THADA: variants seen among roughly 807,000 people sequenced by gnomAD.
THADA encodes the protein THADA armadillo repeat containing.
Under a neutral mutation model 219.8 loss-of-function variants are expected in THADA, and 213 were observed. The observed-to-expected ratio is 0.97, with a 90% CI of 0.87 to 1.09. THADA has a LOEUF of 1.09. THADA is among the 50% of genes least tolerant of loss of function. The pLI is 0.00. For missense variants in THADA, 2,956 were observed against 2,311.3 expected (o/e 1.28, Z -5.72); for synonymous variants, 1,018 against 828.9 (o/e 1.23, Z -3.92).
intron 29 of THADA, among the ~76,000 whole-genome samples, chr2:43,354,730 G>T (rs1254566972): frequency 1.3e-5 from 2 of 152,062 alleles, no homozygotes; most frequent in African/African-American, 4.8e-5. Context: ...TGTGTATATG[G>T]ACTACATTTT....
chr2:43,472,145 A>G (rs758727114), intron 26 of THADA, among the ~76,000 whole-genome samples: 1 of 152,234 alleles, frequency 6.6e-6, no homozygotes, highest in Non-Finnish European at 1.5e-5. Flanking sequence ...GATGTCATGG[A>G]ATTTGATCTT....
rs1667389960 is a variant in THADA, at chr2:43,231,330, T to C, written c.5480A>G (p.Tyr1827Cys). ...VESMHQVEED[Y>C]LFEKAEVNFW... The stretch of plus-strand genomic sequence containing the variant: ...GTTGACTTCTGCTTTTTCAAACAGG[T>C]AGTCTTCTTCCACCTAAATCAGATG... The change falls in exon 38 of 38, where the codon TAC becomes TGC. Residue 1827 changes from tyrosine to cysteine, a missense_variant. Coordinates refer to ENST00000405975, the MANE Select transcript of THADA (RefSeq NM_022065.5). The C allele has an allele frequency of 6.5e-7, 1 of 1,549,170 alleles. No homozygotes were observed. Among genetic ancestry groups the C allele is most frequent in the African/African-American group, 1.4e-5 (1 of 72,590 alleles).
intron 26 of THADA, among the ~76,000 whole-genome samples, chr2:43,431,019 G>C (rs542022523): frequency 1.3e-5 from 2 of 152,126 alleles, no homozygotes; most frequent in Non-Finnish European, 2.9e-5. Context: ...AACTTCTCTT[G>C]AACTACGAAA....
At position 43,299,609 on chromosome 2, in the gene THADA, C is replaced by T; in HGVS notation, c.4439-6396G>A. ...CCCAAGAGGCGGAGTTTGCAGTGAG[C>T]CAAGATAGGGCTGCTGCACTCCAGC... On this transcript the variant is annotated intron_variant, in intron 31 of 37. Transcript: ENST00000405975. 1.3e-5 allele frequency among the ~76,000 whole-genome samples: 2 copies of T among 152,006 alleles called. 1 individual carries two copies. Among genetic ancestry groups the T allele is most frequent in the East Asian group, 3.9e-4 (2 of 5,194 alleles).
intron 36 of THADA, among the ~76,000 whole-genome samples, chr2:43,244,057 ATCTT>A (rs949508815): frequency 2.6e-5 from 4 of 152,216 alleles, no homozygotes; most frequent in African/African-American, 9.6e-5. Context: ...ATTCCAAAAA[ATCTT>A]TATTTTTAAA....
intron 21 of THADA, among the ~76,000 whole-genome samples, chr2:43,535,341 C>A (rs1694429361): frequency 6.6e-6 from 1 of 151,316 alleles, no homozygotes; most frequent in African/African-American, 2.4e-5. Context: ...TTGATATAAT[C>A]CCACTTACTT....
intron 36 of THADA, chr2:43,277,144 A>G (rs1191265423): frequency 6.6e-6 from 1 of 152,160 alleles, no homozygotes; most frequent in East Asian, 1.9e-4. Flanking sequence ...GAGATTCCAC[A>G]AGTATGTCTC....
At chr2:43,288,808 T>A (rs905721790) in intron 34 of THADA, among the ~76,000 whole-genome samples, 1 of 152,238 alleles carries the variant, frequency 6.6e-6, no homozygotes, top group African/African-American at 2.4e-5. Context: ...ACAGTTTACA[T>A]ACCATAGAAT....
At chr2:43,566,221 A>G (rs1698662347) in intron 15 of THADA, 6 of 447,048 alleles carry the variant, frequency 1.3e-5, no homozygotes, top group Non-Finnish European at 1.6e-5. Context: ...TTATTAAATC[A>G]GAATACTTGG....
At chr2:43,338,219 C>T (rs868739798) in intron 30 of THADA, among the ~76,000 whole-genome samples, 7 of 149,060 alleles carry the variant, frequency 4.7e-5, no homozygotes, top group African/African-American at 1.7e-4. Flanking sequence ...TGCAGTGGCA[C>T]GATCTCGGCT....
intron 22 of THADA, 51 bp from the exon 23 acceptor site, chr2:43,508,831 G>A: frequency 1.3e-6 from 2 of 1,574,878 alleles, no homozygotes; most frequent in Admixed American, 3.4e-5. Context: ...AAAGTTAAAA[G>A]TACAAACTAT....
chr2:43,576,741 G>C (rs139555522), intron 10 of THADA, among the ~76,000 whole-genome samples: 176 of 152,188 alleles, frequency 1.2e-3, no homozygotes, highest in African/African-American at 4.0e-3. Flanking sequence ...TGCATCCTCG[G>C]CCTCCTGGGC....
At position 43,397,967 on chromosome 2, in the gene THADA, T is replaced by A; in HGVS notation, c.4227+4A>T. On this transcript the variant is annotated splice_donor_region_variant and intron_variant, in intron 29 of 37. Transcript: ENST00000405975. Reference sequence around the variant, plus strand: ...CAGAAGTCACACAAAGCAACTTTACTTACCTGGAGAAGTGTCCCATGAATG... The same window carrying A: ...CAGAAGTCACACAAAGCAACTTTACATACCTGGAGAAGTGTCCCATGAATG... 1 of 1,613,700 alleles carries A rather than the reference T, an allele frequency of 6.2e-7. No homozygotes were observed. Among genetic ancestry groups the A allele is most frequent in the South Asian group, 1.1e-5 (1 of 91,016 alleles).
At position 43,561,939 on chromosome 2, in the gene THADA, AT is replaced by A. The variant is rs375992793; in HGVS notation, c.2312-1555del. Among the ~76,000 whole-genome samples the A allele has an allele frequency of 4.7e-3, 717 of 152,168 alleles. 2 individuals carry two copies. Among genetic ancestry groups the A allele is most frequent in the Middle Eastern group, 0.01 (3 of 294 alleles). On this transcript the variant is annotated intron_variant, in intron 15 of 37. Coordinates refer to ENST00000405975, the MANE Select transcript of THADA (RefSeq NM_022065.5). Reference sequence around the variant, plus strand: ...TCCTATTTCTAGTTTTGCTGTGCTCATTTTTTTAATCATAAAAGGGTACTGA... The same window carrying A: ...TCCTATTTCTAGTTTTGCTGTGCTCATTTTTTAATCATAAAAGGGTACTGA...
chr2:43,251,754 A>G (rs1320129586), intron 36 of THADA, among the ~76,000 whole-genome samples: 1 of 152,198 alleles, frequency 6.6e-6, no homozygotes, highest in African/African-American at 2.4e-5. Context: ...TTTCTCAGAA[A>G]TCTACTCCAA....
intron 29 of THADA, 64 bp downstream of exon 29, chr2:43,397,907 A>G: frequency 3.9e-6 from 6 of 1,549,348 alleles, no homozygotes; most frequent in Non-Finnish European, 5.3e-6. Flanking sequence ...AGCTAACAGT[A>G]CATAAGAAAC....
intron 35 of THADA, among the ~76,000 whole-genome samples, chr2:43,281,357 C>T (rs1465104170): frequency 2.6e-5 from 4 of 151,946 alleles, no homozygotes; most frequent in Non-Finnish European, 1.5e-5. Context: ...TTATATCCTT[C>T]AGATCCTTCC....
intron 26 of THADA, among the ~76,000 whole-genome samples, chr2:43,450,754 A>G (rs933985679): frequency 6.6e-6 from 1 of 152,212 alleles, no homozygotes; most frequent in Non-Finnish European, 1.5e-5. Flanking sequence ...AGCTCTAGGG[A>G]CACAAATAGA....
Position 43,574,417 on chromosome 2 carries a change from A to T in THADA, c.1648T>A (p.Leu550Met). Residue 550 changes from leucine (L) to methionine (M), a missense_variant, in exon 11 of 38, where the codon TTG becomes ATG. Transcript: ENST00000405975. ...GGGCTGTAACTTAATAATTTTGGCA[A>T]GTAATAATCAATCACGTAAGATTTT... ...DQKSYVIDYYLPKLLSYSPES... is the reference protein window; with the variant it reads ...DQKSYVIDYYMPKLLSYSPES... The T allele has an allele frequency of 6.2e-7, 1 of 1,610,774 alleles. No individual in the cohort carries two copies. Among genetic ancestry groups the T allele is most frequent in the South Asian group, 1.1e-5 (1 of 90,552 alleles).
Sources: gnomAD v4.1 joint callset for allele counts (sites outside exome capture counted in the v4.1 genomes callset) on GRCh38, gnomAD v4.1.1 for gene constraint, MANE v1.5 for transcripts, NCBI Gene and HGNC (gene_info 2026-07-23, HGNC 2026-07-21) for gene names.